The following SCN9A variants were observed in gnomAD, a reference collection of about 807,000 sequenced individuals.
The protein encoded by SCN9A is sodium channel protein type 9 subunit alpha.
A neutral mutation model predicts 187.0 loss-of-function variants in SCN9A; 131 were observed. The observed-to-expected ratio is 0.70, with a 90% CI of 0.61 to 0.81. The LOEUF (loss-of-function observed/expected upper bound fraction) is 0.81. Ranked by LOEUF, SCN9A falls within the 30% of genes least tolerant of loss-of-function variation. The probability of loss-of-function intolerance (pLI) is 0.00; values close to 1 mark genes in which losing one functional copy is unlikely to be tolerated. For missense variants in SCN9A, 2,252 were observed against 2,396.6 expected (o/e 0.94, Z 1.26); for synonymous variants, 809 against 808.6 (o/e 1.00, Z -0.01).
intron 1 of SCN9A, among the ~76,000 whole-genome samples, chr2:166,329,424 A>G (rs1041958841): frequency 6.6e-6 from 1 of 152,206 alleles, no homozygotes; most frequent in Admixed American, 6.5e-5. Context: ...ATATTTTAAA[A>G]TACACTTTAT....
At chr2:166,258,715 A>G (rs1048453340) in intron 17 of SCN9A, among the ~76,000 whole-genome samples, 2 of 151,692 alleles carry the variant, frequency 1.3e-5, no homozygotes, top group Non-Finnish European at 3.0e-5. Flanking sequence ...AGAATTATTA[A>G]ATACAAAGCT....
intron 26 of SCN9A, among the ~76,000 whole-genome samples, chr2:166,201,423 A>ATATACTATATATAGTATAGAGTATGCG (rs1558942469): frequency 4.1e-5 from 6 of 146,424 alleles, no homozygotes; most frequent in East Asian, 4.0e-4. Context: ...TATAGTATGC[A>ATATACTATATATAGTATAGAGTATGCG]TATACTATAT....
At chr2:166,336,207 A>T (rs532943697) in intron 1 of SCN9A, among the ~76,000 whole-genome samples, 2 of 152,200 alleles carry the variant, frequency 1.3e-5, no homozygotes, top group Non-Finnish European at 2.9e-5. Context: ...AAAGATTCTC[A>T]TTTGTAGAGG....
At chr2:166,210,539 G>C (rs1441363896) in intron 24 of SCN9A, among the ~76,000 whole-genome samples, 1 of 97,344 alleles carries the variant, frequency 1.0e-5, no homozygotes, top group African/African-American at 3.9e-5. Context: ...AAAAAAGGTA[G>C]ATCATTTAAA....
chr2:166,314,133 T>C (rs2105232309), intron 1 of SCN9A, among the ~76,000 whole-genome samples: 1 of 152,290 alleles, frequency 6.6e-6, no homozygotes, highest in Middle Eastern at 3.4e-3. Context: ...ATAATGGCAA[T>C]TACAAAGTTG....
chr2:166,267,069 G>T (rs1410844840), intron 17 of SCN9A, among the ~76,000 whole-genome samples: 5 of 151,778 alleles, frequency 3.3e-5, no homozygotes, highest in Non-Finnish European at 7.4e-5. Flanking sequence ...TGATTGCTCT[G>T]GCTAGAACTT....
At chr2:166,243,936 A>T (rs1695675858) in intron 18 of SCN9A, among the ~76,000 whole-genome samples, 1 of 151,984 alleles carries the variant, frequency 6.6e-6, no homozygotes, top group African/African-American at 2.4e-5. Flanking sequence ...GTCTGGAGGG[A>T]AAGATTAGTT....
rs1696046322 is a variant in SCN9A at position 166,251,742 on chromosome 2, C to T, written c.3472+23G>A. 20 of 1,611,848 alleles carry T rather than the reference C, an allele frequency of 1.2e-5. No individual in the cohort carries two copies. The East Asian group carries it at 4.5e-4, about 36-fold the overall frequency. ...AGAACACTAATTAAGGAATGCTAAC[C>T]AAGGTCTCAATTTTTGTCTTACCAT... is the stretch of plus-strand genomic sequence containing the variant. On this transcript the variant is annotated intron_variant, in intron 18 of 26. Transcript: ENST00000642356.
chr2:166,280,686 A>G (rs923666375), intron 13 of SCN9A, 91 bp from the exon 14 acceptor site: 17 of 741,736 alleles, frequency 2.3e-5, no homozygotes, highest in Non-Finnish European at 3.8e-5. Context: ...TAATATTGAA[A>G]CAAGGTTTAT....
intron 26 of SCN9A, among the ~76,000 whole-genome samples, chr2:166,201,635 A>G (rs192268928): frequency 0.037 from 2,071 of 55,420 alleles, 411 homozygotes; most frequent in Middle Eastern, 0.076. Flanking sequence ...TATACTATAT[A>G]TATAGTATAG....
At chr2:166,251,067 T>G (rs1000551873) in intron 18 of SCN9A, among the ~76,000 whole-genome samples, 3 of 151,226 alleles carry the variant, frequency 2.0e-5, no homozygotes, top group Non-Finnish European at 4.4e-5. Context: ...TGATGACCAA[T>G]GGGGAATTGT....
intron 12 of SCN9A, among the ~76,000 whole-genome samples, chr2:166,283,427 A>G (rs1697582721): frequency 6.6e-6 from 1 of 152,190 alleles, no homozygotes; most frequent in South Asian, 2.1e-4. Context: ...ATATATAAGC[A>G]TGTAGCATAT....
At chr2:166,356,843 T>C (rs1313157577) in intron 1 of SCN9A, among the ~76,000 whole-genome samples, 1 of 152,220 alleles carries the variant, frequency 6.6e-6, no homozygotes, top group Non-Finnish European at 1.5e-5. Flanking sequence ...TGTACAGCTG[T>C]ACCCAAATTA....
At chr2:166,358,828 C>T (rs1378839469) in intron 1 of SCN9A, among the ~76,000 whole-genome samples, 5 of 152,078 alleles carry the variant, frequency 3.3e-5, no homozygotes, top group Non-Finnish European at 7.4e-5. Flanking sequence ...TATTATCCAT[C>T]TCAGGTGAAA....
At position 166,251,802 on chromosome 2, in the gene SCN9A, A is replaced by G. The variant is rs1484267707; in HGVS notation, c.3435T>C (p.Pro1145=). The change falls in exon 18 of 27, where the codon CCT becomes CCC. Residue 1145 remains proline (P), a synonymous_variant. Coordinates refer to ENST00000642356, the MANE Select transcript of SCN9A (RefSeq NM_001365536.1). ...PGEGEEAEAE[P]MNSDEPEACF... is the part of the protein sequence containing the mutation. ...AGGCCTCTGGCTCATCGGAATTCAT[A>G]GGTTCAGCCTCTGCTTCTTCTCCTT... is the stretch of plus-strand genomic sequence containing the variant. The G allele has an allele frequency of 6.2e-7, 1 of 1,612,670 alleles. No homozygotes were observed. Among genetic ancestry groups the G allele is most frequent in the East Asian group, 2.2e-5 (1 of 44,806 alleles).
At chr2:166,290,788 A>G (rs1698028202) in intron 9 of SCN9A, among the ~76,000 whole-genome samples, 1 of 152,174 alleles carries the variant, frequency 6.6e-6, no homozygotes. Context: ...ATGCAAATCA[A>G]TAAATGTAAT....
intron 7 of SCN9A, among the ~76,000 whole-genome samples, chr2:166,297,215 A>AAAAAAAAAAAAAAAAAC: frequency 1.4e-5 from 2 of 146,266 alleles, no homozygotes; most frequent in Admixed American, 6.8e-5. Context: ...AAAAAAAAAA[A>AAAAAAAAAAAAAAAAAC]AAAAAAAAAA....
chr2:166,318,907 C>G (rs1290662310), intron 1 of SCN9A, among the ~76,000 whole-genome samples: 1 of 151,902 alleles, frequency 6.6e-6, no homozygotes. Flanking sequence ...TTAGAAGATA[C>G]AGAATAATCC....
intron 10 of SCN9A, among the ~76,000 whole-genome samples, chr2:166,288,093 TTATATATATATA>T (rs72083111): frequency 1.7e-4 from 23 of 134,894 alleles, no homozygotes; most frequent in African/African-American, 4.1e-4. Flanking sequence ...TTCCATGTGT[TTATATATATATA>T]TATATATATA....
Sources: gnomAD v4.1 joint callset for allele counts (sites outside exome capture counted in the v4.1 genomes callset) on GRCh38, gnomAD v4.1.1 for gene constraint, MANE v1.5 for transcripts, NCBI Gene and HGNC (gene_info 2026-07-23, HGNC 2026-07-21) for gene names.